SIPA1L1: variants seen among roughly 807,000 people sequenced by gnomAD.
SIPA1L1 encodes signal induced proliferation associated 1 like 1.
A neutral mutation model predicts 162.7 loss-of-function variants in SIPA1L1; 26 were observed. That is an observed-to-expected ratio of 0.16 (90% CI 0.12 to 0.22). The LOEUF is 0.22. Among genes scored for constraint, SIPA1L1 ranks in the 10% least tolerant of loss-of-function variants. SIPA1L1 has a pLI of 1.00. For synonymous variants in SIPA1L1, 829 were observed against 837.4 expected (o/e 0.99, Z 0.17); for missense variants, 1,874 against 2,241.0 (o/e 0.84, Z 3.31).
intron 10 of SIPA1L1, among the ~76,000 whole-genome samples, chr14:71,662,543 G>A (rs1471456983): frequency 1.3e-5 from 2 of 152,218 alleles, no homozygotes; most frequent in African/African-American, 2.4e-5. Flanking sequence ...GGCTAGTGTT[G>A]AGCAGAATTA....
intron 2 of SIPA1L1, among the ~76,000 whole-genome samples, chr14:71,342,062 G>T (rs145635949): frequency 1.5e-3 from 230 of 151,740 alleles, no homozygotes; most frequent in Non-Finnish European, 2.5e-3. Flanking sequence ...GGAGTGCAGT[G>T]GTATCATCTC....
At chr14:71,546,376 C>CTTTTT (rs11480749) in intron 4 of SIPA1L1, among the ~76,000 whole-genome samples, 27 of 116,930 alleles carry the variant, frequency 2.3e-4, no homozygotes, top group Admixed American at 3.2e-4. Context: ...CTTTTTCTTT[C>CTTTTT]TTTTTTTTTT....
At chr14:71,407,548 C>T (rs923893410) in intron 2 of SIPA1L1, among the ~76,000 whole-genome samples, 1 of 138,660 alleles carries the variant, frequency 7.2e-6, no homozygotes, top group Non-Finnish European at 1.5e-5. Context: ...ACTTTGTTGC[C>T]CAGTTGGGAG....
intron 2 of SIPA1L1, among the ~76,000 whole-genome samples, chr14:71,468,493 G>A (rs747293125): frequency 1.3e-5 from 2 of 152,064 alleles, no homozygotes; most frequent in Non-Finnish European, 2.9e-5. Context: ...GATTGGCAGG[G>A]GTGGGTGCCA....
chr14:71,510,671 C>T (rs2051073227), intron 2 of SIPA1L1, among the ~76,000 whole-genome samples: 1 of 152,124 alleles, frequency 6.6e-6, no homozygotes, highest in African/African-American at 2.4e-5. Flanking sequence ...CACTTCATAG[C>T]TGTGTCACTT....
Position 71,377,050 on chromosome 14 carries a change from C to T in SIPA1L1, c.-465+55869C>T, listed in dbSNP as rs1229602784. Among the ~76,000 whole-genome samples, 1 of 151,950 alleles carries T rather than the reference C, an allele frequency of 6.6e-6. No individual in the cohort carries two copies. Among genetic ancestry groups the T allele is most frequent in the Non-Finnish European group, 1.5e-5 (1 of 68,046 alleles). ...CCCGTTCTCAGTGAGCTGTTGGGTA[C>T]ACCTCCCAGACGGGGTGGCAGCTGG... On this transcript the variant is annotated intron_variant, in intron 2 of 23. Transcript: ENST00000381232. This position sits in a 1 kb window ranked among gnomAD's most constrained non-coding sequence, Gnocchi z 4.8.
chr14:71,529,445 T>C (rs180686023), intron 4 of SIPA1L1, 75 bp downstream of exon 4: 1 of 578,952 alleles, frequency 1.7e-6, no homozygotes, highest in South Asian at 2.1e-5. Flanking sequence ...AATTTCTGAT[T>C]AGAGAAATGA....
At chr14:71,709,703 C>T (rs1039934272) in intron 17 of SIPA1L1, 39 bp downstream of exon 17, 19 of 1,563,414 alleles carry the variant, frequency 1.2e-5, no homozygotes, top group Non-Finnish European at 1.7e-5. Context: ...CCAGCCCAGA[C>T]CTAAGCCCAG....
intron 5 of SIPA1L1, among the ~76,000 whole-genome samples, chr14:71,597,471 C>T (rs1208052942): frequency 6.6e-6 from 1 of 152,018 alleles, no homozygotes; most frequent in East Asian, 1.9e-4. Context: ...ATCTTTATCA[C>T]ATTTATGAAT....
At chr14:71,476,935 C>G (rs1010874179) in intron 2 of SIPA1L1, among the ~76,000 whole-genome samples, 1 of 151,994 alleles carries the variant, frequency 6.6e-6, no homozygotes, top group Non-Finnish European at 1.5e-5. Context: ...TGTAACTACC[C>G]CATAACTCTT....
At position 71,661,461 on chromosome 14, in the gene SIPA1L1, G is replaced by A. The variant is rs1392958044; in HGVS notation, c.2249G>A (p.Cys750Tyr). 4.3e-6 allele frequency: 7 copies of A among 1,613,660 alleles called. No individual in the cohort carries two copies. The highest frequency in any genetic ancestry group is 1.3e-5 in the African/African-American group (1 of 74,902). Residue 750 changes from cysteine (C) to tyrosine (Y), a missense_variant, in exon 10 of 24, where the codon TGT (cysteine) becomes TAT (tyrosine). By Grantham distance (194) the Cys-to-Tyr change is radical (BLOSUM62 -2). This residue lies in a region of SIPA1L1 where 243 missense variants were observed against 315.0 expected (regional missense o/e 0.77). Coordinates refer to ENST00000381232, the MANE Select transcript of SIPA1L1 (RefSeq NM_001386936.1). Reference protein sequence around the residue: ...RVHNPCSDSVCYSVAVTRSRD... With the variant: ...RVHNPCSDSVYYSVAVTRSRD... ...CACAATCCGTGCTCTGACAGTGTCT[G>A]TTATAGGTGTGTATGGGTGTCACAG...
At chr14:71,457,971 A>G (rs189557843) in intron 2 of SIPA1L1, among the ~76,000 whole-genome samples, 1 of 152,228 alleles carries the variant, frequency 6.6e-6, no homozygotes, top group African/African-American at 2.4e-5. Context: ...TACATTTTGT[A>G]ACCTTTTCCC....
chr14:71,684,730 T>G (rs1309732161), intron 12 of SIPA1L1, among the ~76,000 whole-genome samples: 1 of 150,672 alleles, frequency 6.6e-6, no homozygotes, highest in East Asian at 2.0e-4. Context: ...TACACTCTTT[T>G]GGAGCCCAGT....
At chr14:71,654,770 C>T (rs2042919370) in intron 8 of SIPA1L1, among the ~76,000 whole-genome samples, 1 of 152,134 alleles carries the variant, frequency 6.6e-6, no homozygotes, top group African/African-American at 2.4e-5. Flanking sequence ...ATTCTTTCAT[C>T]CTCCTTCTAC....
intron 4 of SIPA1L1, among the ~76,000 whole-genome samples, chr14:71,577,670 C>T (rs1459900957): frequency 1.3e-5 from 2 of 151,190 alleles, no homozygotes; most frequent in African/African-American, 4.9e-5. Context: ...TGAGCCATTG[C>T]GCCCAGCTGC....
At chr14:71,627,574 G>T (rs1394980668) in intron 7 of SIPA1L1, among the ~76,000 whole-genome samples, 3 of 152,102 alleles carry the variant, frequency 2.0e-5, no homozygotes, top group Non-Finnish European at 2.9e-5. Context: ...TGTTCTTACT[G>T]TCAGGCACCT....
In SIPA1L1 at chr14:71,441,547, A is replaced by G. The variant is rs1297104000; in HGVS notation, c.-464-71196A>G. ...GCTTAAAGTGGTGGCATGGAGGGAC[A>G]TAGTCTCTAAGATTCCTGCATTCAG... On this transcript the variant is annotated intron_variant, in intron 2 of 23. Coordinates refer to ENST00000381232, the MANE Select transcript of SIPA1L1 (RefSeq NM_001386936.1). Among the ~76,000 whole-genome samples the G allele has an allele frequency of 3.3e-5, 5 of 152,258 alleles. No individual in the cohort carries two copies. The East Asian group carries it at 9.6e-4, about 29-fold the overall frequency.
intron 3 of SIPA1L1, among the ~76,000 whole-genome samples, chr14:71,526,983 A>T (rs1464946977): frequency 6.6e-6 from 1 of 152,104 alleles, no homozygotes; most frequent in Non-Finnish European, 1.5e-5. Flanking sequence ...TGAGAGTTGA[A>T]TTGCTGCACA....
intron 5 of SIPA1L1, among the ~76,000 whole-genome samples, chr14:71,603,949 AT>A (rs1040565858): frequency 6.9e-6 from 1 of 144,154 alleles, no homozygotes; most frequent in Non-Finnish European, 1.5e-5. Context: ...ATCTATATAT[AT>A]TTATATATAT....
Sources: gnomAD v4.1 joint callset for allele counts (sites outside exome capture counted in the v4.1 genomes callset) on GRCh38, gnomAD v4.1.1 for gene constraint, gnomAD v4.1.1 regional missense constraint, Gnocchi (gnomAD v3.1) non-coding constraint, MANE v1.5 for transcripts, NCBI Gene and HGNC (gene_info 2026-07-23, HGNC 2026-07-21) for gene names.